Variants in RBFOX1 observed in about 807,000 individuals in gnomAD.
RBFOX1 encodes RNA binding protein fox-1 homolog 1.
A neutral mutation model predicts 57.7 loss-of-function variants in RBFOX1; 8 were observed. The ratio of observed to expected loss-of-function variants is 0.14; its 90% CI spans 0.08 to 0.25. RBFOX1 has a LOEUF of 0.25. RBFOX1 is among the 10% of genes least tolerant of loss of function. The pLI is 1.00. For synonymous variants in RBFOX1, 326 were observed against 222.4 expected (o/e 1.47, Z -4.15); for missense variants, 611 against 548.5 (o/e 1.11, Z -1.14).
intron 1 of RBFOX1, among the ~76,000 whole-genome samples, chr16:5,390,959 A>C (rs969649266): frequency 6.6e-6 from 1 of 152,208 alleles, no homozygotes; most frequent in East Asian, 1.9e-4. Flanking sequence ...TTATTAAGCC[A>C]TTCCTGAAGC....
rs375971784 is a variant in RBFOX1 at position 6,675,510 on chromosome 16, T to C, written c.-16+20860T>C. ...GCTTGGTCAGGCTTGCATCCTGTGT[T>C]CATTGCTGAACCAGGCCCTGCCACA... On this transcript the variant is annotated intron_variant, in intron 3 of 15. Transcript: ENST00000550418. 6.0e-4 allele frequency among the ~76,000 whole-genome samples: 91 copies of C among 152,308 alleles called. 1 individual carries two copies. The South Asian group carries it at 0.017, about 28-fold the overall frequency.
At chr16:6,226,390 A>AAAC (rs386384125) in intron 1 of RBFOX1, among the ~76,000 whole-genome samples, 1 of 150,968 alleles carries the variant, frequency 6.6e-6, no homozygotes, top group Non-Finnish European at 1.5e-5. Flanking sequence ...AAAAAAAAAA[A>AAAC]ACAAAAAAAT....
intron 2 of RBFOX1, among the ~76,000 whole-genome samples, chr16:5,471,934 T>G (rs1392461532): frequency 1.3e-5 from 2 of 151,996 alleles, no homozygotes; most frequent in African/African-American, 4.8e-5. Flanking sequence ...TGGAAAAAAG[T>G]GTGTTTTTGG....
chr16:6,105,884 T>C (rs1225338926), intron 1 of RBFOX1, among the ~76,000 whole-genome samples: 1 of 152,134 alleles, frequency 6.6e-6, no homozygotes, highest in Non-Finnish European at 1.5e-5. Flanking sequence ...TTTTCCTCCA[T>C]GTCATTAAAT....
intron 2 of RBFOX1, among the ~76,000 whole-genome samples, chr16:6,587,908 A>G (rs2097653017): frequency 6.6e-6 from 1 of 152,202 alleles, no homozygotes; most frequent in Non-Finnish European, 1.5e-5. Flanking sequence ...ACTCATGCCT[A>G]AAGGCTTCAA....
intron 4 of RBFOX1, 136 bp downstream of exon 4, chr16:7,052,234 C>G (rs977703199): frequency 1.5e-6 from 2 of 1,344,866 alleles, no homozygotes; most frequent in Non-Finnish European, 2.0e-6. Context: ...AAATATTTAT[C>G]CCAGCTTATT....
intron 3 of RBFOX1, among the ~76,000 whole-genome samples, chr16:6,908,354 C>G (rs1304347495): frequency 6.6e-6 from 1 of 151,888 alleles, no homozygotes; most frequent in Admixed American, 6.6e-5. Flanking sequence ...TCTGCCTTTG[C>G]ACCCTTCTAA....
At position 6,020,166 on chromosome 16, in the gene RBFOX1, C is replaced by T. The variant is rs963418719; in HGVS notation, c.-127+174C>T. The stretch of plus-strand genomic sequence containing the variant: ...TGTGTGGAAAGATCTCGAGGCGTGT[C>T]CCCCCCTACCCCCAGGAGGCCGAGA... On this transcript the variant is annotated intron_variant, in intron 1 of 15. Transcript: ENST00000550418. 2.0e-5 allele frequency among the ~76,000 whole-genome samples: 3 copies of T among 151,804 alleles called. No homozygotes were observed. The East Asian group carries it at 5.9e-4, about 30-fold the overall frequency.
intron 3 of RBFOX1, among the ~76,000 whole-genome samples, chr16:5,667,400 TATTA>T (rs1294671454): frequency 8.5e-5 from 13 of 152,228 alleles, no homozygotes; most frequent in African/African-American, 3.1e-4. Context: ...CTACATTGTT[TATTA>T]ATTTCTATTT....
At chr16:7,610,676 G>A (rs777078336) in intron 10 of RBFOX1, among the ~76,000 whole-genome samples, 1 of 152,206 alleles carries the variant, frequency 6.6e-6, no homozygotes, top group Non-Finnish European at 1.5e-5. Context: ...GTGGGGACAT[G>A]TAGCTGTAAT....
intron 3 of RBFOX1, among the ~76,000 whole-genome samples, chr16:6,992,421 T>C (rs1017311275): frequency 5.9e-5 from 9 of 152,120 alleles, no homozygotes; most frequent in African/African-American, 1.9e-4. Context: ...TTTCACCATG[T>C]TGGCCAGGCT....
intron 2 of RBFOX1, among the ~76,000 whole-genome samples, chr16:6,559,040 A>G (rs944055363): frequency 6.6e-6 from 1 of 152,016 alleles, no homozygotes; most frequent in African/African-American, 2.4e-5. Context: ...CCAACTCCCT[A>G]GGATAGATGA....
At chr16:7,436,943 T>C (rs1446442915) in intron 4 of RBFOX1, among the ~76,000 whole-genome samples, 1 of 152,120 alleles carries the variant, frequency 6.6e-6, no homozygotes, top group Non-Finnish European at 1.5e-5. Flanking sequence ...TAGCTGGTCA[T>C]GGTGATACGC....
Position 7,483,289 on chromosome 16 carries a change from C to T in RBFOX1, c.28-34858C>T, listed in dbSNP as rs76626118. Among the ~76,000 whole-genome samples the T allele has an allele frequency of 9.1e-3, 1,384 of 152,260 alleles. 17 individuals are homozygous for T. The highest frequency in any genetic ancestry group is 0.031 in the African/African-American group (1,300 of 41,538). ...ATCGTTGCAATACTTGGGTTCTTGA[C>T]GAAGAGCGTTGGCTTCACAATCTGG... is the stretch of plus-strand genomic sequence containing the variant. On this transcript the variant is annotated intron_variant, in intron 4 of 15. Transcript: ENST00000550418.
At chr16:5,561,674 C>T (rs1224243444) in intron 2 of RBFOX1, among the ~76,000 whole-genome samples, 1 of 152,046 alleles carries the variant, frequency 6.6e-6, no homozygotes, top group Non-Finnish European at 1.5e-5. Context: ...ACTTAATGCT[C>T]TTTACCCTAG....
At chr16:6,293,344 A>G (rs1283464330) in intron 1 of RBFOX1, among the ~76,000 whole-genome samples, 2 of 152,196 alleles carry the variant, frequency 1.3e-5, no homozygotes, top group Non-Finnish European at 2.9e-5. Flanking sequence ...TACATCTGCC[A>G]TGCAACTGTT....
chr16:7,086,349 A>G (rs1184798671), intron 4 of RBFOX1, among the ~76,000 whole-genome samples: 1 of 152,128 alleles, frequency 6.6e-6, no homozygotes, highest in Non-Finnish European at 1.5e-5. Context: ...GCAAGAGATA[A>G]TATTTCCCCC....
intron 3 of RBFOX1, among the ~76,000 whole-genome samples, chr16:6,773,577 G>A (rs1253495866): frequency 7.7e-6 from 1 of 129,224 alleles, no homozygotes; most frequent in Non-Finnish European, 1.6e-5. Flanking sequence ...TGTGGGTGTG[G>A]GGTGCATTTG....
chr16:7,226,940 C>T (rs1349091262), intron 4 of RBFOX1, among the ~76,000 whole-genome samples: 1 of 152,140 alleles, frequency 6.6e-6, no homozygotes, highest in African/African-American at 2.4e-5. Context: ...GATGTATTTA[C>T]AAAATAACAT....
Sources: allele counts gnomAD v4.1 joint callset (sites outside exome capture counted in the v4.1 genomes callset), GRCh38; gene constraint gnomAD v4.1.1; transcripts MANE v1.5; gene names NCBI Gene and HGNC (gene_info 2026-07-23, HGNC 2026-07-21).